Variants in DCDC2 observed in about 807,000 individuals in gnomAD.
DCDC2 encodes doublecortin domain containing 2.
A neutral mutation model predicts 50.2 loss-of-function variants in DCDC2; 40 were observed. The observed-to-expected ratio is 0.80, with a 90% confidence interval of 0.62 to 1.04. DCDC2 has a LOEUF of 1.04. Among genes scored for constraint, DCDC2 ranks in the 50% least tolerant of loss-of-function variants. DCDC2 has a pLI of 0.00. For synonymous variants in DCDC2, 234 were observed against 210.6 expected (o/e 1.11, Z -0.96); for missense variants, 570 against 581.9 (o/e 0.98, Z 0.21).
rs374324451 is a variant in DCDC2 at position 24,357,787 on chromosome 6, C to A, written c.-37G>T. 6.2e-7 allele frequency: 1 copy of A among 1,611,822 alleles called. No individual in the cohort carries two copies. The highest frequency in any genetic ancestry group is 1.3e-5 in the African/African-American group (1 of 75,038). On this transcript the variant is annotated 5_prime_UTR_variant, in exon 1 of 10. Coordinates refer to ENST00000378454, the MANE Select transcript of DCDC2 (RefSeq NM_016356.5). Reference sequence around the variant, plus strand: ...GCCGCCGCCTCAGCTCGCTGCTTCGCGTCGGGAGGCACCTCCGCTGTCCCA... The same window carrying A: ...GCCGCCGCCTCAGCTCGCTGCTTCGAGTCGGGAGGCACCTCCGCTGTCCCA...
intron 7 of DCDC2, among the ~76,000 whole-genome samples, chr6:24,229,867 G>C (rs927135207): frequency 2.6e-5 from 4 of 152,090 alleles, no homozygotes; most frequent in African/African-American, 7.2e-5. Context: ...AGAAGTCAGA[G>C]GGTGCCTATC....
intron 8 of DCDC2, among the ~76,000 whole-genome samples, chr6:24,179,655 C>T (rs191241050): frequency 4.0e-5 from 6 of 148,418 alleles, no homozygotes; most frequent in Non-Finnish European, 7.4e-5. Flanking sequence ...CATAAATCTG[C>T]TTCAAGAGGG....
chr6:24,372,193 G>A, the DCDC2 span, among the ~76,000 whole-genome samples: 2 of 152,118 alleles, frequency 1.3e-5, no homozygotes, highest in South Asian at 2.1e-4. Context: ...AGGCCGAGGC[G>A]GGTGGATCAC....
intron 7 of DCDC2, among the ~76,000 whole-genome samples, chr6:24,220,885 A>AGAGC (rs1762092971): frequency 1.7e-5 from 2 of 118,766 alleles, no homozygotes; most frequent in African/African-American, 5.7e-5. Context: ...AGCGAGAGCG[A>AGAGC]GAGAGTGAGC....
chr6:24,353,265 A>G (rs1317837063), intron 2 of DCDC2: 6 of 488,348 alleles, frequency 1.2e-5, no homozygotes, highest in Non-Finnish European at 2.1e-5. Context: ...CAACGCTCAG[A>G]ATCTTCTCAC....
the DCDC2 span, among the ~76,000 whole-genome samples, chr6:24,364,118 A>G: frequency 1.3e-5 from 2 of 150,944 alleles, no homozygotes; most frequent in African/African-American, 4.9e-5. Flanking sequence ...GCTCCTTCCA[A>G]CTCCCTCTAT....
At chr6:24,252,365 G>C (rs991229502) in intron 7 of DCDC2, among the ~76,000 whole-genome samples, 1 of 152,134 alleles carries the variant, frequency 6.6e-6, no homozygotes, top group Non-Finnish European at 1.5e-5. Flanking sequence ...CCCACAACAT[G>C]TGCTAATGAA....
intron 8 of DCDC2, among the ~76,000 whole-genome samples, chr6:24,178,958 C>T (rs548622975): frequency 5.3e-5 from 8 of 152,252 alleles, no homozygotes; most frequent in East Asian, 1.9e-4. Context: ...AGAACCAGTG[C>T]TTGTAACCCC....
intron 2 of DCDC2, among the ~76,000 whole-genome samples, chr6:24,328,382 T>C (rs542280617): frequency 5.9e-5 from 9 of 152,252 alleles, no homozygotes; most frequent in Non-Finnish European, 1.3e-4. Flanking sequence ...CATCTGAATA[T>C]GCAAGGCTTA....
At chr6:24,346,258 T>C (rs1760252674) in intron 2 of DCDC2, among the ~76,000 whole-genome samples, 1 of 151,058 alleles carries the variant, frequency 6.6e-6, no homozygotes, top group Admixed American at 6.6e-5. Context: ...AATGGAAATG[T>C]GGAGTAGGGG....
chr6:24,239,077 C>A (rs1318768616), intron 7 of DCDC2, among the ~76,000 whole-genome samples: 1 of 152,184 alleles, frequency 6.6e-6, no homozygotes, highest in Non-Finnish European at 1.5e-5. Flanking sequence ...CAACAAGTGT[C>A]AAGCATTCAT....
intron 2 of DCDC2, among the ~76,000 whole-genome samples, chr6:24,320,302 T>A (rs1039731749): frequency 2.0e-5 from 3 of 152,082 alleles, no homozygotes; most frequent in Admixed American, 2.0e-4. Flanking sequence ...CAGTACAAAC[T>A]CAATTTTTTG....
chr6:24,325,115 G>GA (rs1759834363), intron 2 of DCDC2, among the ~76,000 whole-genome samples: 2 of 152,038 alleles, frequency 1.3e-5, no homozygotes, highest in Non-Finnish European at 2.9e-5. Context: ...TCTCCTCTTA[G>GA]AATAATCCAA....
Position 24,278,175 on chromosome 6 carries a change from T to C in DCDC2, c.796A>G (p.Ser266Gly). 1.2e-6 allele frequency: 2 copies of C among 1,613,158 alleles called. No individual in the cohort carries two copies. Among genetic ancestry groups the C allele is most frequent in the Non-Finnish European group, 1.7e-6 (2 of 1,179,768 alleles). Residue 266 changes from serine to glycine, a missense_variant, in exon 7 of 10, where the codon AGT becomes GGT. Ser to Gly is a moderately conservative substitution (Grantham distance 56, BLOSUM62 0). Coordinates refer to ENST00000378454, the MANE Select transcript of DCDC2 (RefSeq NM_016356.5). The stretch of plus-strand genomic sequence containing the variant: ...AGGGGCTGAGGAGATGAGTTGTCAC[T>C]GGATCCAACTGTTGACTTAGAGTGG... ...DRHSKSTVGS[S>G]DNSSPQPLKR... is the part of the protein sequence containing the mutation.
rs1266931929 is a variant in DCDC2 at position 24,172,687 on chromosome 6, A to G, written c.*2043T>C. The G allele has an allele frequency of 3.3e-5, 5 of 152,056 alleles. No homozygotes were observed. The highest frequency in any genetic ancestry group is 7.4e-5 in the Non-Finnish European group (5 of 68,026). The allele number at this position is 152,056 out of a possible 1,614,324, so 9.4% of individuals were successfully genotyped here. Reference sequence around the variant, plus strand: ...ACTCCAGACCCAGTAATAGTGCACAAATTTAATATTAAAAGACCAACTGGG... The same window carrying G: ...ACTCCAGACCCAGTAATAGTGCACAGATTTAATATTAAAAGACCAACTGGG... On this transcript the variant is annotated 3_prime_UTR_variant, in exon 10 of 10. Coordinates refer to ENST00000378454, the MANE Select transcript of DCDC2 (RefSeq NM_016356.5).
At chr6:24,236,286 T>C (rs767661885) in intron 7 of DCDC2, among the ~76,000 whole-genome samples, 3 of 152,146 alleles carry the variant, frequency 2.0e-5, no homozygotes, top group Non-Finnish European at 4.4e-5. Flanking sequence ...TGCACACCTA[T>C]AGCCATCTGA....
chr6:24,353,620 G>A lies in DCDC2; in HGVS notation c.297C>T (p.Tyr99=), dbSNP rs1424451022. 6.3e-7 allele frequency: 1 copy of A among 1,579,244 alleles called. No homozygotes were observed. The highest frequency in any genetic ancestry group is 8.6e-7 in the Non-Finnish European group (1 of 1,161,248). ...GGQEAFKKLN[Y]LDIGEIKKRP... ...TTTTCTTGATTTCTCCTATGTCCAA[G>A]TAACTGAGGAAAAAACAAACAAACA... The change falls in exon 2 of 10, where the codon TAC becomes TAT. Residue 99 remains tyrosine (Y), a synonymous_variant. Transcript: ENST00000378454.
chr6:24,200,974 A>G, intron 8 of DCDC2, among the ~76,000 whole-genome samples: 1 of 152,176 alleles, frequency 6.6e-6, no homozygotes, highest in African/African-American at 2.4e-5. Flanking sequence ...ATATATATGA[A>G]CCCAATACAG....
At chr6:24,190,073 GAA>G (rs56783668) in intron 8 of DCDC2, among the ~76,000 whole-genome samples, 12 of 132,220 alleles carry the variant, frequency 9.1e-5, no homozygotes, top group African/African-American at 1.6e-4. Context: ...TACTTTCACC[GAA>G]AAAAAAAAAA....
Sources: gnomAD v4.1 joint callset for allele counts (sites outside exome capture counted in the v4.1 genomes callset) on GRCh38, gnomAD v4.1.1 for gene constraint, MANE v1.5 for transcripts, NCBI Gene and HGNC (gene_info 2026-07-23, HGNC 2026-07-21) for gene names.